IMMP2L: variants seen among roughly 807,000 people sequenced by gnomAD.
The protein encoded by IMMP2L is mitochondrial inner membrane protease subunit 2.
In IMMP2L, 18 loss-of-function variants were observed where a neutral mutation model predicts 19.3. The observed-to-expected ratio is 0.93, with a 90% CI of 0.64 to 1.38. The LOEUF is 1.38. IMMP2L is among the 40% of genes most tolerant of loss of function. IMMP2L has a pLI of 0.00. For synonymous variants in IMMP2L, 76 were observed against 73.0 expected, an observed-to-expected ratio of 1.04 and a Z score of -0.21; for missense variants, 233 against 218.2, an observed-to-expected ratio of 1.07 and a Z score of -0.43.
chr7:110,772,154 A>C (rs1314870436), intron 5 of IMMP2L, among the ~76,000 whole-genome samples: 1 of 152,126 alleles, frequency 6.6e-6, no homozygotes, highest in Non-Finnish European at 1.5e-5. Context: ...CTGATGTGGT[A>C]GAAAATGGAA....
At chr7:111,193,811 T>C (rs1048656938) in intron 3 of IMMP2L, among the ~76,000 whole-genome samples, 4 of 152,204 alleles carry the variant, frequency 2.6e-5, no homozygotes, top group Non-Finnish European at 5.9e-5. Context: ...TTTATATTCC[T>C]TTAATATTAC....
intron 3 of IMMP2L, among the ~76,000 whole-genome samples, chr7:111,269,414 G>C (rs1045066188): frequency 6.6e-6 from 1 of 152,098 alleles, no homozygotes; most frequent in African/African-American, 2.4e-5. Flanking sequence ...TGAAAGACAT[G>C]CAAGTATGCA....
chr7:110,824,932 T>C (rs1803336313), intron 5 of IMMP2L, among the ~76,000 whole-genome samples: 1 of 152,170 alleles, frequency 6.6e-6, no homozygotes, highest in Non-Finnish European at 1.5e-5. Flanking sequence ...ATTGTATATC[T>C]AGAAAACGCC....
chr7:111,436,809 A>T (rs1837217090), intron 3 of IMMP2L, among the ~76,000 whole-genome samples: 1 of 151,890 alleles, frequency 6.6e-6, no homozygotes, highest in Non-Finnish European at 1.5e-5. Flanking sequence ...TACAGGAAGC[A>T]GATTGCTAGC....
intron 3 of IMMP2L, among the ~76,000 whole-genome samples, chr7:111,194,713 A>T (rs1226601544): frequency 6.6e-6 from 1 of 152,190 alleles, no homozygotes; most frequent in African/African-American, 2.4e-5. Flanking sequence ...ATTAACACCT[A>T]AAACAGTATT....
Position 110,924,145 on chromosome 7 carries a change from A to G in IMMP2L, c.306-37450T>C, listed in dbSNP as rs1814589753. On this transcript the variant is annotated intron_variant, in intron 4 of 5. Transcript: ENST00000405709. The surrounding 1 kb of genome is among the most constrained non-coding windows in gnomAD (Gnocchi z 4.2). ...CTCACTTTGTGATTTCACATAGAGC[A>G]CTGATTCATTTGAACAGGCAACCTT... Among the ~76,000 whole-genome samples the G allele has an allele frequency of 6.6e-6, 1 of 152,192 alleles. No homozygotes were observed. The highest frequency in any genetic ancestry group is 1.5e-5 in the Non-Finnish European group (1 of 68,040).
At chr7:111,420,859 A>G (rs141384200) in intron 3 of IMMP2L, among the ~76,000 whole-genome samples, 3,264 of 151,840 alleles carry the variant, frequency 0.021, 187 homozygotes, top group African/African-American at 0.072. Flanking sequence ...TAGTGCTGCA[A>G]TAAACATACG....
chr7:111,355,549 C>T, intron 3 of IMMP2L, among the ~76,000 whole-genome samples: 1 of 151,560 alleles, frequency 6.6e-6, no homozygotes, highest in Non-Finnish European at 1.5e-5. Flanking sequence ...CATAAATACC[C>T]ACCAGTTTTA....
intron 4 of IMMP2L, chr7:110,963,079 T>C: frequency 2.0e-6 from 3 of 1,525,680 alleles, no homozygotes; most frequent in Non-Finnish European, 2.6e-6. Flanking sequence ...CCTTTTCAGT[T>C]TTCTCCCATC....
chr7:110,790,543 T>C (rs1562976929), intron 5 of IMMP2L, among the ~76,000 whole-genome samples: 1 of 151,714 alleles, frequency 6.6e-6, no homozygotes, highest in Admixed American at 6.6e-5. Context: ...GGTGGTCAGA[T>C]ACAGGATGTA....
chr7:111,499,102 T>G (rs567971755), intron 2 of IMMP2L, among the ~76,000 whole-genome samples: 17 of 152,304 alleles, frequency 1.1e-4, no homozygotes, highest in Non-Finnish European at 2.1e-4. Flanking sequence ...TGTCTGGCTG[T>G]GATCACTCAG....
At chr7:111,487,423 AC>A in intron 2 of IMMP2L, 82 bp from the exon 3 acceptor site, 1 of 788,446 alleles carries the variant, frequency 1.3e-6, no homozygotes, top group East Asian at 2.5e-5. Context: ...GCTCGAGTGG[AC>A]TGAAATAAAA....
At chr7:110,891,941 A>G (rs574246977) in intron 4 of IMMP2L, among the ~76,000 whole-genome samples, 1 of 152,298 alleles carries the variant, frequency 6.6e-6, no homozygotes, top group Non-Finnish European at 1.5e-5. Flanking sequence ...CAAGGAATAG[A>G]TAATATTTGA....
At chr7:110,725,893 A>G (rs1026140614) in intron 5 of IMMP2L, 1 of 152,238 alleles carries the variant, frequency 6.6e-6, no homozygotes, top group African/African-American at 2.4e-5. Context: ...TACTACTTAC[A>G]TAGCACTTGC....
At chr7:111,178,784 G>A (rs1807370521) in intron 3 of IMMP2L, among the ~76,000 whole-genome samples, 1 of 151,970 alleles carries the variant, frequency 6.6e-6, no homozygotes, top group Non-Finnish European at 1.5e-5. Context: ...TCTAATTCTA[G>A]TTCTCTTGCT....
intron 3 of IMMP2L, among the ~76,000 whole-genome samples, chr7:111,025,284 C>G (rs1826693847): frequency 6.6e-6 from 1 of 152,110 alleles, no homozygotes; most frequent in Non-Finnish European, 1.5e-5. Context: ...TGTGGTTAGC[C>G]ATGTCATCTA....
At chr7:111,236,053 T>C (rs1472837586) in intron 3 of IMMP2L, among the ~76,000 whole-genome samples, 1 of 152,254 alleles carries the variant, frequency 6.6e-6, no homozygotes, top group East Asian at 1.9e-4. Context: ...TCCATTTCTG[T>C]GCTTAATGTC....
At chr7:110,722,899 T>A (rs1201034871) in intron 5 of IMMP2L, among the ~76,000 whole-genome samples, 1 of 152,106 alleles carries the variant, frequency 6.6e-6, no homozygotes, top group Non-Finnish European at 1.5e-5. Flanking sequence ...TTATTCTTCA[T>A]TTTCATGCTT....
At chr7:111,475,570 C>T (rs747957124) in intron 3 of IMMP2L, among the ~76,000 whole-genome samples, 3 of 152,014 alleles carry the variant, frequency 2.0e-5, no homozygotes, top group Non-Finnish European at 4.4e-5. Context: ...CAAGAACCAG[C>T]GGACACTGTG....
Sources: allele counts gnomAD v4.1 joint callset (sites outside exome capture counted in the v4.1 genomes callset), GRCh38; gene constraint gnomAD v4.1.1; non-coding constraint Gnocchi (gnomAD v3.1); transcripts MANE v1.5; gene names NCBI Gene and HGNC (gene_info 2026-07-23, HGNC 2026-07-21).